Variants in TANGO6 observed in about 807,000 individuals in gnomAD.
The protein encoded by TANGO6 is transport and golgi organization 6 homolog, also known as transport and Golgi organization protein 6 homolog.
A neutral mutation model predicts 114.2 loss-of-function variants in TANGO6; 90 were observed. The ratio of observed to expected loss-of-function variants is 0.79; its 90% confidence interval spans 0.66 to 0.94. The LOEUF is 0.94. Ranked by LOEUF, TANGO6 falls within the 40% of genes least tolerant of loss-of-function variation. The pLI is 0.00. For synonymous variants in TANGO6, 477 were observed against 509.8 expected (o/e 0.94, Z 0.87); for missense variants, 1,274 against 1,315.3 (o/e 0.97, Z 0.49).
chr16:69,018,466 A>G (rs183518451), intron 15 of TANGO6, among the ~76,000 whole-genome samples: 78 of 151,506 alleles, frequency 5.1e-4, no homozygotes, highest in African/African-American at 1.7e-3. Flanking sequence ...CTTAAATGCA[A>G]TATATCATAG....
In TANGO6 at chr16:68,878,124, G is replaced by T. The variant is rs1472260838; in HGVS notation, c.1138G>T (p.Asp380Tyr). 1.2e-6 allele frequency: 2 copies of T among 1,609,700 alleles called. No homozygotes were observed. The highest frequency in any genetic ancestry group is 1.7e-5 in the Admixed American group (1 of 59,356). Residue 380 changes from aspartate (D) to tyrosine (Y), a missense_variant, in exon 6 of 18, where the codon GAT (aspartate) becomes TAT (tyrosine). By Grantham distance (160) the Asp-to-Tyr change is radical (BLOSUM62 -3). Around this residue, in one of 5 missense-constraint regions of TANGO6, gnomAD observed 908 missense variants for 910.2 expected, o/e 1.00. Coordinates refer to ENST00000261778, the MANE Select transcript of TANGO6 (RefSeq NM_024562.2). ...YYRDICPQVLDLFHFQDKLTA... is the reference protein window; with the variant it reads ...YYRDICPQVLYLFHFQDKLTA... ...TCTTGTAGTTTTTTTGTAGGTTCTGGATTTATTTCACTTTCAAGATAAATT... is the reference window on the plus strand; with the variant it reads ...TCTTGTAGTTTTTTTGTAGGTTCTGTATTTATTTCACTTTCAAGATAAATT...
At chr16:68,955,020 G>T (rs942541823) in intron 14 of TANGO6, among the ~76,000 whole-genome samples, 3 of 152,150 alleles carry the variant, frequency 2.0e-5, no homozygotes, top group Non-Finnish European at 2.9e-5. Flanking sequence ...TGACAACAAG[G>T]TTCAGGGACT....
Position 69,083,509 on chromosome 16 carries a change from C to A in TANGO6, c.3133C>A (p.Leu1045Ile), listed in dbSNP as rs201263632. 1 of 1,612,274 alleles carries A rather than the reference C, an allele frequency of 6.2e-7. No homozygotes were observed. Among genetic ancestry groups the A allele is most frequent in the African/African-American group, 1.3e-5 (1 of 75,054 alleles). Residue 1045 changes from leucine (L) to isoleucine (I), a missense_variant, in exon 18 of 18, where the codon CTC becomes ATC. Around this residue, in one of 5 missense-constraint regions of TANGO6, gnomAD observed 238 missense variants for 252.9 expected, o/e 0.94. Transcript: ENST00000261778. ...GGTGCTGAGCGCCGTCCTCAAGGAT[C>A]TCTACCACCTGCTGAAGCACGTAGT... ...TEVLSAVLKDLYHLLKHVVCL... is the reference protein window; with the variant it reads ...TEVLSAVLKDIYHLLKHVVCL...
intron 17 of TANGO6, 26 bp from the exon 18 acceptor site, chr16:69,083,459 C>T (rs780600114): frequency 5.0e-6 from 8 of 1,589,938 alleles, no homozygotes; most frequent in East Asian, 4.5e-5. Context: ...AGTAGACAGG[C>T]GGTCATGGCT....
chr16:69,077,574 C>T (rs1188528279), intron 17 of TANGO6, among the ~76,000 whole-genome samples: 3 of 152,126 alleles, frequency 2.0e-5, no homozygotes, highest in African/African-American at 7.2e-5. Flanking sequence ...CCTGTAATCC[C>T]ACCCAGCACT....
At chr16:69,010,456 G>T (rs1191917076) in intron 15 of TANGO6, among the ~76,000 whole-genome samples, 2 of 152,076 alleles carry the variant, frequency 1.3e-5, no homozygotes, top group African/African-American at 4.8e-5. Context: ...GCCTGTTTCT[G>T]ATCATGTTCA....
chr16:68,848,933 A>G lies in TANGO6; in HGVS notation c.94+5222A>G, dbSNP rs528930752. Among the ~76,000 whole-genome samples the G allele has an allele frequency of 2.0e-4, 30 of 152,152 alleles. 1 individual carries two copies. Among genetic ancestry groups the G allele is most frequent in the Admixed American group, 1.8e-3 (27 of 15,258 alleles). ...TCGACTCCTTGCTCTCAAGCAGAAGATATCCCAGGCTCATCTGAGGTATTT... is the reference window on the plus strand; with the variant it reads ...TCGACTCCTTGCTCTCAAGCAGAAGGTATCCCAGGCTCATCTGAGGTATTT... On this transcript the variant is annotated intron_variant, in intron 1 of 17. Transcript: ENST00000261778.
chr16:68,846,407 G>T, intron 1 of TANGO6: 1 of 229,876 alleles, frequency 4.4e-6, no homozygotes, highest in Non-Finnish European at 8.9e-6. Flanking sequence ...AGTACATGAA[G>T]AAAACCTAGA....
intron 17 of TANGO6, among the ~76,000 whole-genome samples, chr16:69,067,829 C>G (rs528854874): frequency 6.6e-6 from 1 of 150,742 alleles, no homozygotes; most frequent in South Asian, 2.1e-4. Context: ...CCCAGCTACT[C>G]GGGAGGCTGA....
At chr16:68,890,650 C>T (rs1261599905) in intron 7 of TANGO6, among the ~76,000 whole-genome samples, 2 of 152,022 alleles carry the variant, frequency 1.3e-5, no homozygotes, top group Non-Finnish European at 2.9e-5. Context: ...TTTGGGAGGC[C>T]AAGGTGGGCG....
intron 15 of TANGO6, among the ~76,000 whole-genome samples, chr16:68,991,641 G>A (rs1049821970): frequency 5.9e-5 from 9 of 151,628 alleles, no homozygotes; most frequent in African/African-American, 2.2e-4. Flanking sequence ...AGATTTCATC[G>A]ATAAATAAAT....
At chr16:68,891,548 C>G (rs980488952) in intron 7 of TANGO6, among the ~76,000 whole-genome samples, 4 of 152,136 alleles carry the variant, frequency 2.6e-5, no homozygotes, top group African/African-American at 9.7e-5. Flanking sequence ...AACAGAAACA[C>G]GTTTATTCTT....
At position 69,043,283 on chromosome 16, in the gene TANGO6, AGTGTGTGTGTGTGTGT is replaced by A. The variant is rs57443398; in HGVS notation, c.3108+2887_3108+2902del. ...GTGAGAGCGAGCGAGAGACAGAGCG[AGTGTGTGTGTGTGTGT>A]GTGTGTGTGTGTGTGTGTGTGTGTA... On this transcript the variant is annotated intron_variant, in intron 17 of 17. Coordinates refer to ENST00000261778, the MANE Select transcript of TANGO6 (RefSeq NM_024562.2). 2.9e-4 allele frequency among the ~76,000 whole-genome samples: 42 copies of A among 146,752 alleles called. 1 individual carries two copies. In the South Asian group the frequency reaches 6.6e-3, roughly 23 times the overall value.
At chr16:68,866,465 T>G (rs1321683526) in intron 3 of TANGO6, among the ~76,000 whole-genome samples, 1 of 145,946 alleles carries the variant, frequency 6.9e-6, no homozygotes, top group African/African-American at 2.6e-5. Flanking sequence ...CTACTAAAAA[T>G]ACAAAAAATT....
chr16:68,955,707 C>T (rs1257893769), intron 14 of TANGO6, among the ~76,000 whole-genome samples: 1 of 152,174 alleles, frequency 6.6e-6, no homozygotes, highest in Non-Finnish European at 1.5e-5. Context: ...GTCTGATATA[C>T]TATTAGTAAT....
At chr16:68,856,351 G>T (rs1008747228) in intron 1 of TANGO6, among the ~76,000 whole-genome samples, 1 of 152,142 alleles carries the variant, frequency 6.6e-6, no homozygotes, top group Non-Finnish European at 1.5e-5. Flanking sequence ...AAATGATCAC[G>T]TGGGTTTTCT....
At chr16:68,846,472 A>G (rs1447924462) in intron 1 of TANGO6, 1 of 312,752 alleles carries the variant, frequency 3.2e-6, no homozygotes, top group Non-Finnish European at 6.2e-6. Flanking sequence ...CTTTTCAAAT[A>G]ATTATGTACA....
At chr16:68,979,492 A>G (rs1355491558) in intron 15 of TANGO6, among the ~76,000 whole-genome samples, 2 of 152,026 alleles carry the variant, frequency 1.3e-5, no homozygotes, top group Middle Eastern at 3.2e-3. Flanking sequence ...AGCCTCCCAA[A>G]GTGCTGGGAT....
At chr16:68,963,221 A>G (rs1003999379) in intron 14 of TANGO6, among the ~76,000 whole-genome samples, 5 of 151,898 alleles carry the variant, frequency 3.3e-5, no homozygotes, top group Admixed American at 6.6e-5. Context: ...TCTCAGGTTC[A>G]AGCGATCCTC....
Sources: allele counts gnomAD v4.1 joint callset (sites outside exome capture counted in the v4.1 genomes callset), GRCh38; gene constraint gnomAD v4.1.1; regional missense constraint gnomAD v4.1.1; transcripts MANE v1.5; gene names NCBI Gene and HGNC (gene_info 2026-07-23, HGNC 2026-07-21).